Variants in CERKL observed in about 807,000 individuals in gnomAD.
CERKL encodes ceramide kinase-like protein.
In CERKL, 61 loss-of-function variants were observed where a neutral mutation model predicts 63.4. The ratio of observed to expected loss-of-function variants is 0.96; its 90% confidence interval spans 0.78 to 1.19. The LOEUF (loss-of-function observed/expected upper bound fraction) is 1.19. CERKL is among the 50% of genes most tolerant of loss of function. CERKL has a pLI of 0.00. For missense variants in CERKL, 675 were observed against 655.5 expected, an observed-to-expected ratio of 1.03 and a Z score of -0.33; for synonymous variants, 250 against 230.5, an observed-to-expected ratio of 1.08 and a Z score of -0.77.
At chr2:181,541,917 T>C (rs1687523013) in intron 11 of CERKL, among the ~76,000 whole-genome samples, 1 of 152,116 alleles carries the variant, frequency 6.6e-6, no homozygotes, top group Admixed American at 6.5e-5. Flanking sequence ...CAGATGCCGG[T>C]GAATTTCAGA....
rs140898616 is a variant in CERKL, at chr2:181,558,651, C to T, written c.735G>A (p.Leu245=). The change falls in exon 5 of 13, where the codon CTG becomes CTA. Residue 245 remains leucine, a synonymous_variant. Coordinates refer to ENST00000410087, the MANE Select transcript of CERKL (RefSeq NM_201548.5). This position sits in a 1 kb window ranked among gnomAD's most constrained non-coding sequence, Gnocchi z 4.2. The part of the protein sequence containing the change: ...SASEVAHALL[L]RAQKNAGMET... Reference sequence around the variant, plus strand: ...CCATCCCAGCATTCTTCTGAGCTCTCAGAAGCAAAGCATGGGCTACTTCGC... The same window carrying T: ...CCATCCCAGCATTCTTCTGAGCTCTTAGAAGCAAAGCATGGGCTACTTCGC... The T allele has an allele frequency of 6.2e-7, 1 of 1,613,740 alleles. No individual in the cohort carries two copies. The highest frequency in any genetic ancestry group is 1.3e-5 in the African/African-American group (1 of 75,012).
intron 2 of CERKL, among the ~76,000 whole-genome samples, chr2:181,595,846 G>A (rs1480496780): frequency 6.6e-6 from 1 of 152,050 alleles, no homozygotes; most frequent in East Asian, 1.9e-4. Flanking sequence ...AAACATATTT[G>A]TAGTTCTTGA....
At chr2:181,566,915 A>G (rs527657820) in intron 3 of CERKL, among the ~76,000 whole-genome samples, 2 of 152,280 alleles carry the variant, frequency 1.3e-5, no homozygotes, top group Non-Finnish European at 1.5e-5. Flanking sequence ...GCTGACTGAC[A>G]TGACATTGCA....
At chr2:181,643,939 C>A (rs988853271) in intron 1 of CERKL, among the ~76,000 whole-genome samples, 1 of 152,206 alleles carries the variant, frequency 6.6e-6, no homozygotes, top group East Asian at 1.9e-4. Context: ...CTGCTTTAAT[C>A]GAACATTTCA....
intron 1 of CERKL, among the ~76,000 whole-genome samples, chr2:181,645,206 GGA>G (rs1387073565): frequency 1.3e-5 from 2 of 152,138 alleles, no homozygotes; most frequent in African/African-American, 4.8e-5. Flanking sequence ...TTAAAAAGGG[GGA>G]GAGGGGAATA....
intron 2 of CERKL, among the ~76,000 whole-genome samples, chr2:181,577,718 G>C (rs1684311247): frequency 6.6e-6 from 1 of 152,150 alleles, no homozygotes; most frequent in Non-Finnish European, 1.5e-5. Context: ...AGGTGATGAA[G>C]GGTTTTAGGC....
intron 1 of CERKL, among the ~76,000 whole-genome samples, chr2:181,626,944 G>A (rs1686732521): frequency 6.6e-6 from 1 of 152,260 alleles, no homozygotes; most frequent in Non-Finnish European, 1.5e-5. Context: ...GAGGTGATAT[G>A]AGAGTAGCTG....
Position 181,538,233 on chromosome 2 carries a change from C to CTT in CERKL, c.1548_1549dup (p.Arg517LysfsTer14), listed in dbSNP as rs763038313. The CTT allele has an allele frequency of 6.3e-7, 1 of 1,583,032 alleles. No individual in the cohort carries two copies. The highest frequency in any genetic ancestry group is 1.1e-5 in the South Asian group (1 of 90,312). ...GCTTCCTCCATAAAGACTGATAAGT[C>CTT]TTGGATGCAATCTGTAAAGAAAATA... On this transcript the variant is annotated frameshift_variant, in exon 13 of 13. Transcript: ENST00000410087. LOFTEE classifies it high-confidence loss of function.
chr2:181,579,608 C>T (rs1254917227), intron 2 of CERKL, among the ~76,000 whole-genome samples: 2 of 151,796 alleles, frequency 1.3e-5, no homozygotes, highest in East Asian at 1.9e-4. Flanking sequence ...TTACACGGAC[C>T]TATATTTGAA....
chr2:181,655,120 A>G (rs1330706353), intron 1 of CERKL, among the ~76,000 whole-genome samples: 1 of 152,236 alleles, frequency 6.6e-6, no homozygotes, highest in East Asian at 1.9e-4. Flanking sequence ...AAATGGTTTT[A>G]GGGCATAATT....
intron 1 of CERKL, among the ~76,000 whole-genome samples, chr2:181,611,121 G>GT (rs554388690): frequency 2.2e-4 from 34 of 152,202 alleles, no homozygotes; most frequent in African/African-American, 7.0e-4. Flanking sequence ...TACTCAGGAG[G>GT]TGGAGGCAGG....
At chr2:181,571,012 T>G (rs1414640545) in intron 3 of CERKL, among the ~76,000 whole-genome samples, 5 of 152,132 alleles carry the variant, frequency 3.3e-5, no homozygotes, top group Non-Finnish European at 7.4e-5. Flanking sequence ...TCGATCTTAC[T>G]ATGACATAAT....
At chr2:181,579,846 T>G (rs1230626625) in intron 2 of CERKL, among the ~76,000 whole-genome samples, 1 of 151,916 alleles carries the variant, frequency 6.6e-6, no homozygotes, top group Non-Finnish European at 1.5e-5. Context: ...AAAATCCATC[T>G]TTCCCCACAG....
intron 1 of CERKL, among the ~76,000 whole-genome samples, chr2:181,648,694 A>C (rs1687773126): frequency 6.6e-6 from 1 of 152,224 alleles, no homozygotes; most frequent in South Asian, 2.1e-4. Context: ...CTCTAGATGA[A>C]GGTTTAAAGT....
At chr2:181,571,722 C>T (rs1221897262) in intron 3 of CERKL, among the ~76,000 whole-genome samples, 1 of 152,046 alleles carries the variant, frequency 6.6e-6, no homozygotes, top group Non-Finnish European at 1.5e-5. Context: ...CTTTCTTCTC[C>T]CTAACAGAAT....
chr2:181,595,393 T>C (rs1356630049), intron 2 of CERKL, among the ~76,000 whole-genome samples: 1 of 104,988 alleles, frequency 9.5e-6, no homozygotes, highest in African/African-American at 6.7e-5. Flanking sequence ...TTTGGAGTTC[T>C]GAATCATCAT....
intron 2 of CERKL, among the ~76,000 whole-genome samples, chr2:181,574,220 ATT>A (rs1259139698): frequency 6.6e-6 from 1 of 152,152 alleles, no homozygotes; most frequent in Non-Finnish European, 1.5e-5. Flanking sequence ...TTCTTTTAGC[ATT>A]TGTTTCTGGA....
At chr2:181,638,713 A>G (rs1020519224) in intron 1 of CERKL, among the ~76,000 whole-genome samples, 3 of 152,130 alleles carry the variant, frequency 2.0e-5, no homozygotes, top group African/African-American at 4.8e-5. Context: ...GAGGTCCTAC[A>G]TTTCCAAGGC....
rs1559072088 is a variant in CERKL at position 181,548,791 on chromosome 2, G to GAGAATCCA, written c.961_962insTGGATTCT (p.Ser321LeufsTer77). The GAGAATCCA allele has an allele frequency of 6.2e-7, 1 of 1,614,044 alleles. No homozygotes were observed. Among genetic ancestry groups the GAGAATCCA allele is most frequent in the Admixed American group, 1.7e-5 (1 of 59,992 alleles). On this transcript the variant is annotated frameshift_variant, in exon 7 of 13. Transcript: ENST00000410087. LOFTEE classifies it high-confidence loss of function. ...TCTTCCACCAAAGCCAAACATGGCT[G>GAGAATCCA]AGAACCCAAAGCGAAGAAGCTTGCC...
Sources: gnomAD v4.1 joint callset for allele counts (sites outside exome capture counted in the v4.1 genomes callset) on GRCh38, gnomAD v4.1.1 for gene constraint, Gnocchi (gnomAD v3.1) non-coding constraint, MANE v1.5 for transcripts, NCBI Gene and HGNC (gene_info 2026-07-23, HGNC 2026-07-21) for gene names.